The following GALK2 variants were observed in gnomAD, a reference collection of about 807,000 sequenced individuals.
GALK2 encodes the protein galactokinase 2, also known as N-acetylgalactosamine kinase.
GALK2 carries 36 observed loss-of-function variants against 52.4 expected under a neutral mutation model. The observed-to-expected ratio is 0.69, with a 90% confidence interval of 0.53 to 0.91. The LOEUF (loss-of-function observed/expected upper bound fraction) is 0.91. GALK2 is among the 40% of genes least tolerant of loss of function. GALK2 has a pLI of 0.00. For missense variants in GALK2, 579 were observed against 559.1 expected (o/e 1.04, Z -0.36); for synonymous variants, 176 against 199.1 (o/e 0.88, Z 0.98).
intron 3 of GALK2, among the ~76,000 whole-genome samples, chr15:49,220,058 C>CTTT (rs34707025): frequency 0.018 from 1,649 of 92,672 alleles, 85 homozygotes; most frequent in South Asian, 0.064. Context: ...AGATACAAGT[C>CTTT]TTTTTTTTTT....
intron 5 of GALK2, among the ~76,000 whole-genome samples, chr15:49,279,549 T>C (rs571629689): frequency 6.6e-6 from 1 of 152,346 alleles, no homozygotes; most frequent in Admixed American, 6.5e-5. Context: ...CTCATTTTTC[T>C]CATGTCTATA....
intron 8 of GALK2, among the ~76,000 whole-genome samples, chr15:49,297,063 T>C (rs746226479): frequency 2.0e-5 from 3 of 152,238 alleles, no homozygotes; most frequent in Non-Finnish European, 4.4e-5. Flanking sequence ...TGTATAAACA[T>C]TCCCTTTTCT....
chr15:49,280,977 C>T (rs1024936445), intron 5 of GALK2, among the ~76,000 whole-genome samples: 40 of 152,250 alleles, frequency 2.6e-4, no homozygotes, highest in Non-Finnish European at 4.6e-4. Context: ...GCTGTGACTA[C>T]GGGCATGCAC....
chr15:49,305,113 C>T (rs1352644032), intron 8 of GALK2, among the ~76,000 whole-genome samples: 1 of 152,150 alleles, frequency 6.6e-6, no homozygotes, highest in African/African-American at 2.4e-5. Flanking sequence ...CTAATAATTT[C>T]TAAATTAGAA....
intron 4 of GALK2, among the ~76,000 whole-genome samples, chr15:49,237,633 C>T (rs371046030): frequency 1.3e-5 from 2 of 151,880 alleles, no homozygotes; most frequent in Admixed American, 6.6e-5. Context: ...CCTGCCACCG[C>T]GCCTGGCTAA....
chr15:49,328,917 A>T lies in GALK2; in HGVS notation c.*758A>T. ...TCCATTACTTAATAGAAAAACTTAG[A>T]TAAAAAACACTTTAAGACTCTTCTA... On this transcript the variant is annotated 3_prime_UTR_variant, in exon 10 of 10. Coordinates refer to ENST00000560031, the MANE Select transcript of GALK2 (RefSeq NM_002044.4). 8.2e-7 allele frequency: 1 copy of T among 1,221,678 alleles called. No homozygotes were observed. Among genetic ancestry groups the T allele is most frequent in the African/African-American group, 1.5e-5 (1 of 65,786 alleles). 75.7% of individuals were successfully genotyped at this position (1,221,678 alleles called of 1,614,324 possible).
chr15:49,244,338 G>A (rs72727261), intron 5 of GALK2, among the ~76,000 whole-genome samples: 8,288 of 151,992 alleles, frequency 0.055, 328 homozygotes, highest in Middle Eastern at 0.095. Flanking sequence ...AATGTAAAAG[G>A]CCAAACCAAA....
exon 4 of GALK2, chr15:49,367,714 T>C: frequency 2.7e-6 from 3 of 1,100,910 alleles, no homozygotes; most frequent in Non-Finnish European, 3.8e-6. Flanking sequence ...ATTTGATATA[T>C]TAAAATAAAG....
chr15:49,341,783 C>G (rs1236274193), intron 3 of GALK2, among the ~76,000 whole-genome samples: 1 of 152,102 alleles, frequency 6.6e-6, no homozygotes, highest in East Asian at 1.9e-4. Context: ...TTTTTCCTTT[C>G]TGCCTTAATT....
chr15:49,293,202 A>G (rs551053638), intron 8 of GALK2, among the ~76,000 whole-genome samples: 1 of 152,214 alleles, frequency 6.6e-6, no homozygotes, highest in Non-Finnish European at 1.5e-5. Flanking sequence ...CATCAGCCTC[A>G]GGGACCCATT....
At chr15:49,358,180 G>A (rs2043513583) in intron 3 of GALK2, among the ~76,000 whole-genome samples, 1 of 151,562 alleles carries the variant, frequency 6.6e-6, no homozygotes, top group South Asian at 2.1e-4. Flanking sequence ...AGTGGCACAA[G>A]ACAGGGATGC....
At chr15:49,196,646 A>C (rs1318598665) in intron 1 of GALK2, among the ~76,000 whole-genome samples, 1 of 152,134 alleles carries the variant, frequency 6.6e-6, no homozygotes, top group Non-Finnish European at 1.5e-5. Context: ...AAGTTTATTG[A>C]GTCTTTTCTC....
In GALK2 at chr15:49,359,422, G is replaced by A. The variant is rs2043779152; in HGVS notation, c.427-8069G>A. ...AAACAAACAACCCCATCAAATAGTG[G>A]GCGAAGGACATGAACAGACACTTCT... is the stretch of plus-strand genomic sequence containing the variant. On this transcript the variant is annotated intron_variant, in intron 3 of 3. Transcript: ENST00000558399. Among the ~76,000 whole-genome samples, 3 of 119,204 alleles carry A rather than the reference G, an allele frequency of 2.5e-5. No homozygotes were observed. In the South Asian group the frequency reaches 8.3e-4, roughly 33 times the overall value. The allele number at this position is 119,204 out of a possible 152,430, so 78.2% of individuals were successfully genotyped here.
At chr15:49,281,386 T>C (rs1402482355) in intron 5 of GALK2, among the ~76,000 whole-genome samples, 1 of 152,224 alleles carries the variant, frequency 6.6e-6, no homozygotes, top group Non-Finnish European at 1.5e-5. Flanking sequence ...TTAGATTTAT[T>C]TCTTAATCAA....
At chr15:49,225,484 T>G (rs1241320872) in intron 3 of GALK2, 13 of 276,238 alleles carry the variant, frequency 4.7e-5, no homozygotes, top group South Asian at 4.4e-4. Flanking sequence ...TGCATGCTCC[T>G]TATGATAATC....
intron 9 of GALK2, among the ~76,000 whole-genome samples, chr15:49,322,481 G>A (rs2036957738): frequency 6.6e-6 from 1 of 152,152 alleles, no homozygotes; most frequent in Non-Finnish European, 1.5e-5. Context: ...TTCTTCAAAT[G>A]TTTCAGTTGG....
chr15:49,178,783 C>T (rs1185462964), intron 1 of GALK2: 2 of 214,146 alleles, frequency 9.3e-6, no homozygotes, highest in African/African-American at 4.6e-5. Flanking sequence ...AAGGAAAGAG[C>T]CTTTCTCCCC....
chr15:49,239,080 C>G (rs753310382), intron 4 of GALK2, 141 bp from the exon 5 acceptor site: 54 of 650,150 alleles, frequency 8.3e-5, no homozygotes, highest in Non-Finnish European at 1.1e-4. Flanking sequence ...ATAGTCTCAA[C>G]TAAATTGAAT....
At chr15:49,301,325 A>C (rs1305238469) in intron 8 of GALK2, among the ~76,000 whole-genome samples, 2 of 152,132 alleles carry the variant, frequency 1.3e-5, no homozygotes, top group Admixed American at 6.5e-5. Context: ...AATCCTTTAG[A>C]TGTTGTTTAG....
Sources: gnomAD v4.1 joint callset for allele counts (sites outside exome capture counted in the v4.1 genomes callset) on GRCh38, gnomAD v4.1.1 for gene constraint, MANE v1.5 for transcripts, NCBI Gene and HGNC (gene_info 2026-07-23, HGNC 2026-07-21) for gene names.